Variants in ZYG11B observed in about 807,000 individuals in gnomAD.
The protein encoded by ZYG11B is protein zyg-11 homolog B.
ZYG11B carries 36 observed loss-of-function variants against 82.4 expected under a neutral mutation model. The ratio of observed to expected loss-of-function variants is 0.44; its 90% CI spans 0.33 to 0.58. The LOEUF is 0.58. Among genes scored for constraint, ZYG11B ranks in the 20% least tolerant of loss-of-function variants. The pLI is 0.02. For missense variants in ZYG11B, 552 were observed against 895.6 expected (o/e 0.62, Z 4.90); for synonymous variants, 303 against 312.8 (o/e 0.97, Z 0.33).
chr1:52,816,444 T>C (rs958635884), intron 12 of ZYG11B, 88 bp from the exon 13 acceptor site: 3 of 861,250 alleles, frequency 3.5e-6, no homozygotes, highest in African/African-American at 3.4e-5. Flanking sequence ...GGATAAAATT[T>C]TGAAAATGAA....
At chr1:52,803,443 A>G (rs1645114894) in intron 10 of ZYG11B, among the ~76,000 whole-genome samples, 2 of 38,498 alleles carry the variant, frequency 5.2e-5, no homozygotes, top group African/African-American at 2.7e-4. Flanking sequence ...ATCTCAAAAG[A>G]AAAAAAAAAA....
chr1:52,778,137 C>G (rs564461670), intron 3 of ZYG11B, among the ~76,000 whole-genome samples: 1 of 152,320 alleles, frequency 6.6e-6, no homozygotes, highest in Non-Finnish European at 1.5e-5. Flanking sequence ...ATTTAGGCAC[C>G]TGTATAATCT....
At chr1:52,808,991 A>T (rs1645162933) in intron 10 of ZYG11B, among the ~76,000 whole-genome samples, 1 of 152,136 alleles carries the variant, frequency 6.6e-6, no homozygotes, top group Non-Finnish European at 1.5e-5. Context: ...TGAATATATG[A>T]AATAAAATTT....
chr1:52,770,676 A>G (rs1644742432), intron 2 of ZYG11B, among the ~76,000 whole-genome samples: 1 of 152,204 alleles, frequency 6.6e-6, no homozygotes. Flanking sequence ...TTCAACATAT[A>G]GTGCATTGGC....
chr1:52,797,478 G>C lies in ZYG11B; in HGVS notation c.1485+694G>C, dbSNP rs1327524999. Among the ~76,000 whole-genome samples the C allele has an allele frequency of 9.7e-4, 71 of 73,076 alleles. No individual in the cohort carries two copies. The East Asian group carries it at 0.026, about 27-fold the overall frequency. 47.9% of individuals were successfully genotyped at this position (73,076 alleles called of 152,430 possible). On this transcript the variant is annotated intron_variant, in intron 8 of 13. Coordinates refer to ENST00000294353, the MANE Select transcript of ZYG11B (RefSeq NM_024646.3). ...CATATATGATATATATATTATATATGATATATAATATGTATAATATATAAA... is the reference window on the plus strand; with the variant it reads ...CATATATGATATATATATTATATATCATATATAATATGTATAATATATAAA...
intron 8 of ZYG11B, among the ~76,000 whole-genome samples, chr1:52,797,421 T>TATATA (rs1558137802): frequency 9.7e-6 from 1 of 102,724 alleles, no homozygotes; most frequent in Non-Finnish European, 1.8e-5. Flanking sequence ...TCATATATTA[T>TATATA]ACATATTATA....
intron 10 of ZYG11B, among the ~76,000 whole-genome samples, chr1:52,811,329 C>T (rs993488068): frequency 1.3e-5 from 2 of 152,140 alleles, no homozygotes; most frequent in Admixed American, 1.3e-4. Flanking sequence ...CATACCCTCT[C>T]TAATCTCTGC....
chr1:52,782,240 T>A (rs2149945722), intron 4 of ZYG11B, among the ~76,000 whole-genome samples: 1 of 151,816 alleles, frequency 6.6e-6, no homozygotes, highest in African/African-American at 2.4e-5. Context: ...TGGCTGAATT[T>A]TAAAATTTGT....
Position 52,796,191 on chromosome 1 carries a change from C to G in ZYG11B, c.1335-101C>G, listed in dbSNP as rs575366532. 6.2e-6 allele frequency: 5 copies of G among 800,504 alleles called. No homozygotes were observed. In the African/African-American group the frequency reaches 8.6e-5, roughly 14 times the overall value. 49.6% of individuals were successfully genotyped at this position (800,504 alleles called of 1,614,324 possible). On this transcript the variant is annotated intron_variant, in intron 6 of 13. Coordinates refer to ENST00000294353, the MANE Select transcript of ZYG11B (RefSeq NM_024646.3). ...CCAGTTAAGAGGAATTTTCCCTTGC[C>G]TTTTCATATATTTAAGTTGTAGCAT...
chr1:52,753,087 C>G (rs1309502651), intron 1 of ZYG11B, among the ~76,000 whole-genome samples: 2 of 152,094 alleles, frequency 1.3e-5, no homozygotes, highest in Non-Finnish European at 2.9e-5. Context: ...ACCTCATGAT[C>G]CACCCACCTC....
intron 8 of ZYG11B, among the ~76,000 whole-genome samples, chr1:52,798,363 C>T (rs1426614033): frequency 1.3e-5 from 2 of 151,974 alleles, no homozygotes; most frequent in Non-Finnish European, 2.9e-5. Context: ...CCTGTAATCC[C>T]AGCATTTTGG....
intron 2 of ZYG11B, among the ~76,000 whole-genome samples, chr1:52,762,267 G>T (rs1644638549): frequency 6.8e-6 from 1 of 147,584 alleles, no homozygotes; most frequent in Admixed American, 6.9e-5. Flanking sequence ...GGAGTACAGT[G>T]GTGTGGTCAT....
intron 1 of ZYG11B, among the ~76,000 whole-genome samples, chr1:52,734,064 T>A (rs1468643029): frequency 2.6e-5 from 4 of 152,136 alleles, no homozygotes; most frequent in Non-Finnish European, 4.4e-5. Context: ...AGGGGCGTAA[T>A]CATAGCTCAC....
At chr1:52,814,167 C>T (rs192636281) in intron 12 of ZYG11B, among the ~76,000 whole-genome samples, 83 of 152,190 alleles carry the variant, frequency 5.5e-4, no homozygotes, top group African/African-American at 1.9e-3. Context: ...ATTATAGGCG[C>T]CCACGACCAC....
intron 3 of ZYG11B, among the ~76,000 whole-genome samples, chr1:52,774,870 AC>A (rs761736542): frequency 1.3e-5 from 2 of 151,988 alleles, no homozygotes; most frequent in Non-Finnish European, 2.9e-5. Context: ...TAGAATTCTT[AC>A]ATTTGTTGGC....
intron 1 of ZYG11B, among the ~76,000 whole-genome samples, chr1:52,728,055 C>G (rs917639720): frequency 3.3e-5 from 5 of 152,200 alleles, no homozygotes; most frequent in Non-Finnish European, 7.3e-5. Flanking sequence ...GTCTCCTTCA[C>G]TTTCACACAC....
At chr1:52,780,687 G>T (rs928529837) in intron 4 of ZYG11B, among the ~76,000 whole-genome samples, 1 of 152,112 alleles carries the variant, frequency 6.6e-6, no homozygotes, top group Non-Finnish European at 1.5e-5. Flanking sequence ...GCTGTTCACA[G>T]GCCTCAAACT....
intron 6 of ZYG11B, among the ~76,000 whole-genome samples, chr1:52,794,731 A>G (rs1571784457): frequency 6.6e-6 from 1 of 152,184 alleles, no homozygotes; most frequent in African/African-American, 2.4e-5. Flanking sequence ...TGTGGGTAAG[A>G]TAATCAGATG....
chr1:52,734,740 T>C (rs866292285), intron 1 of ZYG11B, among the ~76,000 whole-genome samples: 6 of 151,212 alleles, frequency 4.0e-5, no homozygotes, highest in Admixed American at 6.6e-5. Flanking sequence ...CTTTTTCTTT[T>C]ATTTTGAGAT....
Sources: allele counts gnomAD v4.1 joint callset (sites outside exome capture counted in the v4.1 genomes callset), GRCh38; gene constraint gnomAD v4.1.1; transcripts MANE v1.5; gene names NCBI Gene and HGNC (gene_info 2026-07-23, HGNC 2026-07-21).